Variants in SNX32 observed in about 807,000 individuals in gnomAD.
SNX32 encodes the protein sorting nexin 32.
In SNX32, 58 loss-of-function variants were observed where a neutral mutation model predicts 57.0. That is an observed-to-expected ratio of 1.02 (90% CI 0.82 to 1.27). SNX32 has a LOEUF of 1.27. Ranked by LOEUF, SNX32 falls within the 50% of genes most tolerant of loss-of-function variation. The pLI is 0.00. For synonymous variants in SNX32, 262 were observed against 220.4 expected (o/e 1.19, Z -1.67); for missense variants, 589 against 541.2 (o/e 1.09, Z -0.88).
rs777254869 is a variant in SNX32, at chr11:65,850,570, TC to T, written c.498+19del. On this transcript the variant is annotated intron_variant, in intron 5 of 12. Coordinates refer to ENST00000308342, the MANE Select transcript of SNX32 (RefSeq NM_152760.3). Reference sequence around the variant, plus strand: ...TGGACAGGATGTGAGCTGGGCCGAATCCCTGGGGTCACCCTTGGGCCAGGAG... The same window carrying T: ...TGGACAGGATGTGAGCTGGGCCGAATCCTGGGGTCACCCTTGGGCCAGGAG... 4 of 1,594,094 alleles carry T rather than the reference TC, an allele frequency of 2.5e-6. No homozygotes were observed. The highest frequency in any genetic ancestry group is 3.4e-6 in the Non-Finnish European group (4 of 1,169,966).
At chr11:65,850,893 C>T (rs763186633) in intron 6 of SNX32, 38 bp downstream of exon 6, 18 of 1,579,022 alleles carry the variant, frequency 1.1e-5, no homozygotes, top group Non-Finnish European at 1.4e-5. Flanking sequence ...CAACCCAGCA[C>T]CTCAAGTCCA....
chr11:65,839,223 G>GTTT lies in SNX32; in HGVS notation c.36+5123_36+5124insTTT, dbSNP rs755185237. Among the ~76,000 whole-genome samples, 193 of 22,994 alleles carry GTTT rather than the reference G, an allele frequency of 8.4e-3. 16 individuals carry two copies. Among genetic ancestry groups the GTTT allele is most frequent in the African/African-American group, 0.02 (98 of 4,914 alleles). 15.1% of individuals were successfully genotyped at this position (22,994 alleles called of 152,430 possible). ...CCCACCACGCCCAGCTAATTTTTTTGTATTTTTTTTTTTTTTTTTTTTTTG... is the reference window on the plus strand; with the variant it reads ...CCCACCACGCCCAGCTAATTTTTTTGTTTTATTTTTTTTTTTTTTTTTTTTTTG... On this transcript the variant is annotated intron_variant, in intron 1 of 12. Transcript: ENST00000308342.
chr11:65,852,425 C>T (rs1367146473), intron 9 of SNX32, 40 bp from the exon 10 acceptor site: 2 of 1,586,446 alleles, frequency 1.3e-6, no homozygotes, highest in African/African-American at 2.7e-5. Flanking sequence ...AGCTGCCCCT[C>T]TGACAAGCTC....
At chr11:65,850,726 A>G (rs1038077134) in intron 5 of SNX32, 25 bp from the exon 6 acceptor site, 4 of 1,610,132 alleles carry the variant, frequency 2.5e-6, no homozygotes, top group Non-Finnish European at 3.4e-6. Context: ...CCACCCCAGC[A>G]TCATACCCTC....
At chr11:65,852,332 C>A in intron 9 of SNX32, 133 bp from the exon 10 acceptor site, 2 of 778,144 alleles carry the variant, frequency 2.6e-6, no homozygotes, top group East Asian at 2.5e-5. Flanking sequence ...TGGCCTGCAC[C>A]CCTCAACACC....
chr11:65,846,721 C>T (rs1391730308), intron 1 of SNX32, among the ~76,000 whole-genome samples: 5 of 151,962 alleles, frequency 3.3e-5, no homozygotes, highest in South Asian at 4.1e-4. Flanking sequence ...CGGTGGCTCA[C>T]GCCTGTAATC....
At chr11:65,839,215 A>ATTTTTTTGTTTTTTTG (rs1858753157) in intron 1 of SNX32, among the ~76,000 whole-genome samples, 2 of 19,514 alleles carry the variant, frequency 1.0e-4, no homozygotes, top group Non-Finnish European at 2.4e-4. Flanking sequence ...CGCCCAGCTA[A>ATTTTTTTGTTTTTTTG]TTTTTTTGTA....
chr11:65,844,965 C>A (rs1185790413), intron 1 of SNX32, among the ~76,000 whole-genome samples: 4 of 125,530 alleles, frequency 3.2e-5, no homozygotes, highest in African/African-American at 6.0e-5. Flanking sequence ...GACTCTGTCT[C>A]AAAAAAAAAA....
intron 1 of SNX32, among the ~76,000 whole-genome samples, chr11:65,834,670 G>C (rs1858609747): frequency 6.6e-6 from 1 of 150,940 alleles, no homozygotes; most frequent in Non-Finnish European, 1.5e-5. Context: ...GTGTGTATCT[G>C]TGTGTGCACG....
Position 65,851,293 on chromosome 11 carries a change from A to G in SNX32, c.710-35A>G, listed in dbSNP as rs749825611. 6.8e-6 allele frequency: 11 copies of G among 1,612,490 alleles called. No homozygotes were observed. In the Admixed American group the frequency reaches 1.8e-4, roughly 27 times the overall value. On this transcript the variant is annotated intron_variant, in intron 7 of 12. Coordinates refer to ENST00000308342, the MANE Select transcript of SNX32 (RefSeq NM_152760.3). ...ACAAGCACCAAGGCTTGACATGCAG[A>G]TGTAGGGGCTCTGATGGGGGCTGTT...
rs747921377 is a variant in SNX32 at position 65,850,485 on chromosome 11, G to T, written c.429G>T (p.Gln143His). Reference sequence around the variant, plus strand: ...TTGCGATGCACGAAGTCTTTCTGCAGCGCCTGGCGGCCCACCCCACCCTGC... The same window carrying T: ...TTGCGATGCACGAAGTCTTTCTGCATCGCCTGGCGGCCCACCCCACCCTGC... ...KTVAMHEVFL[Q>H]RLAAHPTLRR... Residue 143 changes from glutamine to histidine, a missense_variant, in exon 5 of 13, where the codon CAG (glutamine) becomes CAT (histidine). Gln to His is a conservative substitution (Grantham distance 24). Coordinates refer to ENST00000308342, the MANE Select transcript of SNX32 (RefSeq NM_152760.3). The T allele has an allele frequency of 6.2e-7, 1 of 1,614,134 alleles. No individual in the cohort carries two copies. Among genetic ancestry groups the T allele is most frequent in the Non-Finnish European group, 8.5e-7 (1 of 1,179,968 alleles).
chr11:65,839,142 A>G (rs556066823), intron 1 of SNX32, among the ~76,000 whole-genome samples: 47 of 148,950 alleles, frequency 3.2e-4, no homozygotes, highest in Non-Finnish European at 5.6e-4. Context: ...TCCGCCTGCC[A>G]GGTTTAAGCA....
At chr11:65,841,932 CAA>C (rs989160178) in intron 1 of SNX32, among the ~76,000 whole-genome samples, 2 of 151,880 alleles carry the variant, frequency 1.3e-5, no homozygotes, top group African/African-American at 4.8e-5. Context: ...TATAAAATTA[CAA>C]AGAGATCTAG....
At chr11:65,851,515 CT>C (rs1269881886) in intron 8 of SNX32, 112 bp downstream of exon 8, 1 of 1,511,692 alleles carries the variant, frequency 6.6e-7, no homozygotes, top group Non-Finnish European at 9.2e-7. Context: ...GGTGTAGGCT[CT>C]CCTGTTGGGG....
Position 65,850,475 on chromosome 11 carries a change from T to A in SNX32, c.419T>A (p.Val140Asp), listed in dbSNP as rs367803047. The part of the protein sequence containing the change: ...IFKKTVAMHE[V>D]FLQRLAAHPT... ...AAGAAGACAGTTGCGATGCACGAAG[T>A]CTTTCTGCAGCGCCTGGCGGCCCAC... Residue 140 changes from valine (V) to aspartate (D), a missense_variant, in exon 5 of 13, where the codon GTC (valine) becomes GAC (aspartate). By Grantham distance (152) the Val-to-Asp change is radical (BLOSUM62 -3). Coordinates refer to ENST00000308342, the MANE Select transcript of SNX32 (RefSeq NM_152760.3). 2.5e-6 allele frequency: 4 copies of A among 1,614,144 alleles called. No individual in the cohort carries two copies. The highest frequency in any genetic ancestry group is 3.4e-6 in the Non-Finnish European group (4 of 1,180,006).
intron 1 of SNX32, among the ~76,000 whole-genome samples, chr11:65,845,539 C>A (rs1858969752): frequency 6.6e-6 from 1 of 151,594 alleles, no homozygotes; most frequent in Non-Finnish European, 1.5e-5. Flanking sequence ...GAGTTTGAGA[C>A]CAACCTGGCC....
In SNX32 at chr11:65,851,323, A is replaced by C; in HGVS notation, c.710-5A>C. The C allele has an allele frequency of 6.2e-7, 1 of 1,614,070 alleles. No homozygotes were observed. The highest frequency in any genetic ancestry group is 8.5e-7 in the Non-Finnish European group (1 of 1,179,988). On this transcript the variant is annotated splice_polypyrimidine_tract_variant and splice_region_variant and intron_variant, in intron 7 of 12. Transcript: ENST00000308342. ...GGGGCTCTGATGGGGGCTGTTCCCC[A>C]ACAGGCCTGGCAGACGATTATATCC...
At position 65,850,780 on chromosome 11, in the gene SNX32, G is replaced by C. The variant is rs566898202; in HGVS notation, c.528G>C (p.Glu176Asp). Residue 176 changes from glutamate to aspartate, a missense_variant, in exon 6 of 13, where the codon GAG becomes GAC. By Grantham distance (45) the Glu-to-Asp change is conservative (BLOSUM62 2). Coordinates refer to ENST00000308342, the MANE Select transcript of SNX32 (RefSeq NM_152760.3). The stretch of plus-strand genomic sequence containing the variant: ...GTGTCCGGGGGAAGAACAGGAAGGA[G>C]CTCCTCGGAGGGTTTCTGAGGAATA... ...DLSVRGKNRK[E>D]LLGGFLRNIV... 4.3e-6 allele frequency: 7 copies of C among 1,614,002 alleles called. No individual in the cohort carries two copies. Among genetic ancestry groups the C allele is most frequent in the Admixed American group, 1.7e-5 (1 of 60,004 alleles).
At chr11:65,845,991 G>A (rs1352442380) in intron 1 of SNX32, among the ~76,000 whole-genome samples, 1 of 152,166 alleles carries the variant, frequency 6.6e-6, no homozygotes, top group Admixed American at 6.5e-5. Flanking sequence ...GCCAGCATAG[G>A]CTGGGCTCAG....
Sources: allele counts gnomAD v4.1 joint callset (sites outside exome capture counted in the v4.1 genomes callset), GRCh38; gene constraint gnomAD v4.1.1; transcripts MANE v1.5; gene names NCBI Gene and HGNC (gene_info 2026-07-23, HGNC 2026-07-21).